The following IL7 variants were observed in gnomAD, a reference collection of about 807,000 sequenced individuals.
IL7 encodes interleukin 7.
Under a neutral mutation model 21.6 loss-of-function variants are expected in IL7, and 3 were observed. The observed-to-expected ratio is 0.14, with a 90% confidence interval of 0.06 to 0.36. The LOEUF (loss-of-function observed/expected upper bound fraction) is 0.36, where lower values mean the gene tolerates loss of function less well. Ranked by LOEUF, IL7 falls within the 10% of genes least tolerant of loss-of-function variation. IL7 has a pLI of 1.00. For synonymous variants in IL7, 62 were observed against 68.1 expected, an observed-to-expected ratio of 0.91 and a Z score of 0.44; for missense variants, 175 against 200.2, an observed-to-expected ratio of 0.87 and a Z score of 0.76.
intron 2 of IL7, among the ~76,000 whole-genome samples, chr8:78,788,639 T>C (rs1023306877): frequency 1.3e-5 from 2 of 152,166 alleles, no homozygotes; most frequent in Non-Finnish European, 2.9e-5. Context: ...GTTTTACGGC[T>C]CAGTACATGT....
intron 3 of IL7, among the ~76,000 whole-genome samples, chr8:78,708,917 C>T (rs769644903): frequency 2.0e-5 from 3 of 152,080 alleles, no homozygotes; most frequent in African/African-American, 4.8e-5. Flanking sequence ...CCATCCACCT[C>T]GGTTTCCCAA....
At chr8:78,678,613 T>C (rs371942724) in intron 4 of IL7, 1 of 1,612,546 alleles carries the variant, frequency 6.2e-7, no homozygotes, top group African/African-American at 1.3e-5. Context: ...AACGGAAGAC[T>C]TTTGATTCAA....
At chr8:78,761,415 A>G (rs1563424799) in intron 2 of IL7, 1 of 1,611,862 alleles carries the variant, frequency 6.2e-7, no homozygotes, top group African/African-American at 1.3e-5. Flanking sequence ...TTCATTTTGG[A>G]AGAAAATCCA....
At chr8:78,763,742 G>A (rs1217948955) in intron 2 of IL7, among the ~76,000 whole-genome samples, 1 of 152,128 alleles carries the variant, frequency 6.6e-6, no homozygotes, top group African/African-American at 2.4e-5. Context: ...CTATCAAATA[G>A]TTAAGGACAA....
At chr8:78,786,879 C>T (rs944980013) in intron 2 of IL7, among the ~76,000 whole-genome samples, 17 of 152,120 alleles carry the variant, frequency 1.1e-4, no homozygotes, top group Non-Finnish European at 4.4e-5. Flanking sequence ...TTGGGACTTT[C>T]GGCCCCATCC....
intron 4 of IL7, among the ~76,000 whole-genome samples, chr8:78,682,637 G>A (rs1288605284): frequency 6.6e-6 from 1 of 152,010 alleles, no homozygotes; most frequent in Non-Finnish European, 1.5e-5. Flanking sequence ...ATTTGTATGG[G>A]GACACAGCCA....
intron 1 of IL7, among the ~76,000 whole-genome samples, chr8:78,799,010 T>C (rs1171876784): frequency 6.6e-6 from 1 of 152,156 alleles, no homozygotes; most frequent in African/African-American, 2.4e-5. Context: ...AATAATGGTA[T>C]TATTTCAGGC....
At chr8:78,783,902 A>G (rs1263929275) in intron 2 of IL7, among the ~76,000 whole-genome samples, 3 of 152,192 alleles carry the variant, frequency 2.0e-5, no homozygotes, top group African/African-American at 4.8e-5. Flanking sequence ...TTCTGTTTTG[A>G]GAGCATAACT....
intron 3 of IL7, among the ~76,000 whole-genome samples, chr8:78,738,988 T>C (rs1053572494): frequency 6.6e-6 from 1 of 152,208 alleles, no homozygotes; most frequent in Non-Finnish European, 1.5e-5. Context: ...AACAATGTAT[T>C]ATAAGAGGTA....
chr8:78,745,462 G>C (rs1369184362), intron 2 of IL7, among the ~76,000 whole-genome samples: 1 of 151,984 alleles, frequency 6.6e-6, no homozygotes, highest in Non-Finnish European at 1.5e-5. Flanking sequence ...GTTTCTTTCT[G>C]GTTTCTTTCA....
intron 2 of IL7, among the ~76,000 whole-genome samples, chr8:78,752,502 T>A (rs1462246451): frequency 2.0e-5 from 3 of 152,182 alleles, no homozygotes; most frequent in Non-Finnish European, 4.4e-5. Flanking sequence ...TTGATTTGCA[T>A]TTTTTTCCAG....
chr8:78,685,048 T>C (rs1585991460), intron 4 of IL7, among the ~76,000 whole-genome samples: 1 of 152,180 alleles, frequency 6.6e-6, no homozygotes, highest in Non-Finnish European at 1.5e-5. Context: ...AATAAAATAT[T>C]AGCCTATCAG....
At chr8:78,796,271 A>G (rs929762855) in intron 2 of IL7, among the ~76,000 whole-genome samples, 1 of 152,046 alleles carries the variant, frequency 6.6e-6, no homozygotes, top group African/African-American at 2.4e-5. Context: ...TTTCCTATGT[A>G]CCAGCAATAA....
chr8:78,777,228 A>G (rs1319575095), intron 2 of IL7, among the ~76,000 whole-genome samples: 2 of 152,238 alleles, frequency 1.3e-5, no homozygotes, highest in East Asian at 3.9e-4. Flanking sequence ...ATACCAATAT[A>G]GTAATTTTCA....
At chr8:78,794,200 A>G (rs1813783205) in intron 2 of IL7, among the ~76,000 whole-genome samples, 1 of 152,124 alleles carries the variant, frequency 6.6e-6, no homozygotes, top group Admixed American at 6.6e-5. Flanking sequence ...CAGAACAATG[A>G]ATGCTGTTCA....
rs193098949 is a variant in IL7, at chr8:78,691,071, C to G, written n.215-5124G>C. Among the ~76,000 whole-genome samples, 56 of 152,066 alleles carry G rather than the reference C, an allele frequency of 3.7e-4. 1 individual carries two copies. In the East Asian group the frequency reaches 9.9e-3, roughly 27 times the overall value. ...CCCTCCAACCTTTTGGCTTTTATTT[C>G]TTTTTTGTGATTTACTGCATGGGCT... On this transcript the variant is annotated intron_variant and non_coding_transcript_variant, in intron 3 of 4. Coordinates refer to the IL7 transcript ENST00000523959.
intron 2 of IL7, among the ~76,000 whole-genome samples, chr8:78,766,918 T>A (rs1170481422): frequency 3.3e-5 from 5 of 152,194 alleles, no homozygotes; most frequent in Non-Finnish European, 5.9e-5. Context: ...GAGGCCATTC[T>A]GTTACATTCT....
chr8:78,779,698 CT>C (rs1225686962), intron 2 of IL7, among the ~76,000 whole-genome samples: 1 of 151,964 alleles, frequency 6.6e-6, no homozygotes, highest in Non-Finnish European at 1.5e-5. Flanking sequence ...CTGAAGTTTT[CT>C]TTTTTTGTAG....
At chr8:78,733,934 G>T (rs760808898) in intron 5 of IL7, 102 bp from the exon 6 acceptor site, 6 of 765,648 alleles carry the variant, frequency 7.8e-6, no homozygotes, top group Admixed American at 4.2e-5. Flanking sequence ...AAAAACTGGT[G>T]CAATGAAAAG....
Sources: allele counts gnomAD v4.1 joint callset (sites outside exome capture counted in the v4.1 genomes callset), GRCh38; gene constraint gnomAD v4.1.1; transcripts MANE v1.5; gene names NCBI Gene and HGNC (gene_info 2026-07-23, HGNC 2026-07-21).